Variants in CLEC4F observed in about 807,000 individuals in gnomAD.
The protein encoded by CLEC4F is C-type (calcium dependent, carbohydrate-recognition domain) lectin, superfamily member 13.
In CLEC4F, 45 loss-of-function variants were observed where a neutral mutation model predicts 53.4. The observed-to-expected ratio is 0.84, with a 90% CI of 0.66 to 1.08. CLEC4F has a LOEUF of 1.08. Among genes scored for constraint, CLEC4F ranks in the 50% least tolerant of loss-of-function variants. The probability of loss-of-function intolerance (pLI) is 0.00; values close to 1 mark genes in which losing one functional copy is unlikely to be tolerated. For missense variants in CLEC4F, 753 were observed against 698.2 expected, an observed-to-expected ratio of 1.08 and a Z score of -0.88; for synonymous variants, 245 against 257.5, an observed-to-expected ratio of 0.95 and a Z score of 0.46.
At chr2:70,824,949 C>G (rs1438862910), upstream of CLEC4F, among the ~76,000 whole-genome samples, 1 of 152,126 alleles carries the variant, frequency 6.6e-6, no homozygotes, top group Admixed American at 6.5e-5. Flanking sequence ...TGACTTCCTT[C>G]CAAAAAGTTC....
upstream of CLEC4F, among the ~76,000 whole-genome samples, chr2:70,824,560 A>G (rs2104691494): frequency 6.8e-6 from 1 of 147,546 alleles, no homozygotes; most frequent in East Asian, 2.1e-4. Flanking sequence ...CTGGGGCAGG[A>G]AATACTCAAG....
chr2:70,822,447 A>AG (rs5832034), upstream of CLEC4F, among the ~76,000 whole-genome samples: 93,343 of 151,856 alleles, frequency 0.61, 29,157 homozygotes, highest in Middle Eastern at 0.7. Context: ...ATACTGCTTC[A>AG]GGGGTTCCTG....
At chr2:70,818,438 A>G (rs1422980902) in intron 3 of CLEC4F, among the ~76,000 whole-genome samples, 2 of 152,206 alleles carry the variant, frequency 1.3e-5, no homozygotes. Context: ...CGGGCTGGGC[A>G]TGGTGGCTCA....
At chr2:70,811,142 C>T (rs1553394144) in intron 5 of CLEC4F, 2 of 686,910 alleles carry the variant, frequency 2.9e-6, no homozygotes, top group African/African-American at 3.6e-5. Context: ...GTTTTATGAG[C>T]TATGCAAAGA....
At position 70,820,520 on chromosome 2, in the gene CLEC4F, C is replaced by A; in HGVS notation, c.4G>T (p.Asp2Tyr). 6.3e-7 allele frequency: 1 copy of A among 1,586,064 alleles called. No homozygotes were observed. The highest frequency in any genetic ancestry group is 8.6e-7 in the Non-Finnish European group (1 of 1,164,250). Residue 2 changes from aspartate to tyrosine, a missense_variant, in exon 1 of 7, where the codon GAC (aspartate) becomes TAC (tyrosine). Transcript: ENST00000272367. ...GTGCAGAAGCGGACTGCCTCACCGT[C>A]CATCTCTGCTTCCTTGATCCTCCAG... MDGEAVRFCTDN... is the reference protein window; with the variant it reads MYGEAVRFCTDN...
upstream of CLEC4F, among the ~76,000 whole-genome samples, chr2:70,824,445 G>A (rs1432686613): frequency 6.6e-6 from 1 of 151,812 alleles, no homozygotes; most frequent in Non-Finnish European, 1.5e-5. Context: ...GAGAGGCAAT[G>A]ATGTTCAAAT....
intron 4 of CLEC4F, among the ~76,000 whole-genome samples, chr2:70,814,825 C>A: frequency 7.9e-6 from 1 of 126,998 alleles, no homozygotes. Context: ...ATACTGATGC[C>A]AGACACCCTC....
At chr2:70,815,899 G>T in intron 4 of CLEC4F, 95 bp downstream of exon 4, 1 of 1,307,894 alleles carries the variant, frequency 7.6e-7, no homozygotes, top group Non-Finnish European at 1.1e-6. Context: ...TCAAGGAGAT[G>T]CATGTTGCAG....
upstream of CLEC4F, among the ~76,000 whole-genome samples, chr2:70,823,102 A>T (rs1553398366): frequency 6.8e-6 from 1 of 147,884 alleles, no homozygotes; most frequent in African/African-American, 2.5e-5. Flanking sequence ...CCAGTTCATG[A>T]TGGTGGGGGT....
Position 70,809,251 on chromosome 2 carries a change from T to C in CLEC4F, c.*20A>G. On this transcript the variant is annotated 3_prime_UTR_variant, in exon 7 of 7. Coordinates refer to ENST00000272367, the MANE Select transcript of CLEC4F (RefSeq NM_173535.3). ...GCTGGGAGAAGGAGTACCCTGAGGG[T>C]GTCTGTGCTCAGGTTGCTCTTAGTT... 1 of 1,612,324 alleles carries C rather than the reference T, an allele frequency of 6.2e-7. No homozygotes were observed. The highest frequency in any genetic ancestry group is 1.3e-5 in the African/African-American group (1 of 74,908).
At position 70,816,450 on chromosome 2, in the gene CLEC4F, CA is replaced by C; in HGVS notation, c.930del (p.Phe310LeufsTer11). ...SQTQAFIKSSFDNTSAEIQFL... is the reference protein window; with the variant it reads ...SQTQAFIKSSXDNTSAEIQFL... ...AACTGGATCTCAGCACTAGTGTTGT[CA>C]AAACTGCTTTTTATAAAGGCCTGGG... On this transcript the variant is annotated frameshift_variant, in exon 4 of 7. Transcript: ENST00000272367. LOFTEE classifies it high-confidence loss of function. 2.5e-6 allele frequency: 4 copies of C among 1,614,094 alleles called. No individual in the cohort carries two copies. In the South Asian group the frequency reaches 3.3e-5, roughly 13 times the overall value.
intron 4 of CLEC4F, among the ~76,000 whole-genome samples, chr2:70,815,531 G>C (rs560698624): frequency 9.9e-5 from 15 of 152,206 alleles, no homozygotes; most frequent in Admixed American, 6.5e-5. Flanking sequence ...ATAAAGCATC[G>C]GGTGAGGGCA....
chr2:70,812,804 G>C (rs1476236014), intron 4 of CLEC4F, among the ~76,000 whole-genome samples: 1 of 152,134 alleles, frequency 6.6e-6, no homozygotes, highest in African/African-American at 2.4e-5. Flanking sequence ...AAGACGCCTG[G>C]CTTGGGCACT....
At chr2:70,810,635 A>AAAAAC in intron 5 of CLEC4F, among the ~76,000 whole-genome samples, 1 of 151,668 alleles carries the variant, frequency 6.6e-6, no homozygotes, top group East Asian at 1.9e-4. Context: ...AAAAAAAAAA[A>AAAAAC]AAAAAAGTAT....
chr2:70,824,316 C>T (rs1379468212), upstream of CLEC4F, among the ~76,000 whole-genome samples: 1 of 150,290 alleles, frequency 6.7e-6, no homozygotes, highest in African/African-American at 2.4e-5. Flanking sequence ...CGTCTCCTAA[C>T]TGTTCTCCCT....
chr2:70,819,432 G>C lies in CLEC4F; in HGVS notation c.191C>G (p.Thr64Arg), dbSNP rs782236019. ...TTGCACAGGCTTCGGAACAGGTCTT[G>C]TCTGCTGTTGAACTGAGACATTCCA... ...VTLFVVVQQQTRPVPKPVQAV... is the reference protein window; with the variant it reads ...VTLFVVVQQQRRPVPKPVQAV... Residue 64 changes from threonine (T) to arginine (R), a missense_variant, in exon 3 of 7, where the codon ACA becomes AGA. Coordinates refer to ENST00000272367, the MANE Select transcript of CLEC4F (RefSeq NM_173535.3). 6.2e-7 allele frequency: 1 copy of C among 1,614,104 alleles called. No homozygotes were observed. The highest frequency in any genetic ancestry group is 1.7e-5 in the Admixed American group (1 of 60,022).
In CLEC4F at chr2:70,809,066, T is replaced by C; in HGVS notation, c.*205A>G. On this transcript the variant is annotated 3_prime_UTR_variant, in exon 7 of 7. Coordinates refer to ENST00000272367, the MANE Select transcript of CLEC4F (RefSeq NM_173535.3). Reference sequence around the variant, plus strand: ...TTGTGCCGCCAGTTGTCAGACTGATTCTTTTCCCAAAACCCGAAGACAACA... The same window carrying C: ...TTGTGCCGCCAGTTGTCAGACTGATCCTTTTCCCAAAACCCGAAGACAACA... 1 of 1,543,080 alleles carries C rather than the reference T, an allele frequency of 6.5e-7. No individual in the cohort carries two copies. The highest frequency in any genetic ancestry group is 8.7e-7 in the Non-Finnish European group (1 of 1,146,612).
At chr2:70,824,303 G>A (rs72907986), upstream of CLEC4F, among the ~76,000 whole-genome samples, 91,168 of 151,090 alleles carry the variant, frequency 0.6, 27,958 homozygotes, top group Middle Eastern at 0.7. Context: ...CTTTTATTCC[G>A]TTCGTCTCCT....
chr2:70,808,684 G>C lies in CLEC4F; in HGVS notation c.*587C>G, dbSNP rs1347676956. On this transcript the variant is annotated 3_prime_UTR_variant, in exon 7 of 7. Transcript: ENST00000272367. ...AGTATTTATTGAGGACCTGCTGTCT[G>C]ACAGGCCTGTGCTGGGTGCTGAGGC... 5.3e-6 allele frequency: 1 copy of C among 189,728 alleles called. No individual in the cohort carries two copies. Among genetic ancestry groups the C allele is most frequent in the Non-Finnish European group, 1.1e-5 (1 of 91,112 alleles). 11.8% of individuals were successfully genotyped at this position (189,728 alleles called of 1,614,324 possible). A position where few individuals can be genotyped will look rare whatever the true frequency, so the allele number is the denominator to read the frequency against.
Sources: allele counts gnomAD v4.1 joint callset (sites outside exome capture counted in the v4.1 genomes callset), GRCh38; gene constraint gnomAD v4.1.1; transcripts MANE v1.5; gene names NCBI Gene and HGNC (gene_info 2026-07-23, HGNC 2026-07-21).